UBE2G1: variants seen among roughly 807,000 people sequenced by gnomAD.
UBE2G1 encodes ubiquitin conjugating enzyme E2 G1, also known as ubiquitin-conjugating enzyme E2 G1.
A neutral mutation model predicts 22.7 loss-of-function variants in UBE2G1; 5 were observed. That is an observed-to-expected ratio of 0.22 (90% confidence interval 0.12 to 0.46). UBE2G1 has a LOEUF of 0.46. Ranked by LOEUF, UBE2G1 falls within the 20% of genes least tolerant of loss-of-function variation. The pLI is 0.99. For missense variants in UBE2G1, 88 were observed against 203.9 expected (o/e 0.43, Z 3.46); for synonymous variants, 74 against 67.5 (o/e 1.10, Z -0.47).
chr17:4,335,096 T>C (rs1446068806), intron 1 of UBE2G1: 1 of 151,318 alleles, frequency 6.6e-6, no homozygotes, highest in East Asian at 1.9e-4. Flanking sequence ...AGACAGGAAA[T>C]GAAGATAAAC....
At chr17:4,301,962 C>A in intron 2 of UBE2G1, 1 of 483,476 alleles carries the variant, frequency 2.1e-6, no homozygotes, top group South Asian at 1.6e-5. Context: ...TGTATTCTTT[C>A]ACTAATCTGT....
intron 1 of UBE2G1, among the ~76,000 whole-genome samples, chr17:4,317,623 C>T (rs1969390810): frequency 6.6e-6 from 1 of 152,186 alleles, no homozygotes; most frequent in African/African-American, 2.4e-5. Context: ...GAGATGATCC[C>T]TTAAAAAGAA....
At chr17:4,349,867 C>T (rs1969824291) in intron 1 of UBE2G1, among the ~76,000 whole-genome samples, 1 of 151,428 alleles carries the variant, frequency 6.6e-6, no homozygotes, top group Non-Finnish European at 1.5e-5. Context: ...TTACATTTAA[C>T]CTCAAATTAA....
chr17:4,319,759 G>A (rs1217811393), intron 1 of UBE2G1, among the ~76,000 whole-genome samples: 1 of 151,776 alleles, frequency 6.6e-6, no homozygotes, highest in Non-Finnish European at 1.5e-5. Context: ...GCCCAAACAG[G>A]AAGTCCAAAT....
intron 1 of UBE2G1, among the ~76,000 whole-genome samples, chr17:4,356,495 CAATA>C (rs1198658493): frequency 6.6e-6 from 1 of 152,208 alleles, no homozygotes; most frequent in Non-Finnish European, 1.5e-5. Flanking sequence ...TATAAGGGCT[CAATA>C]AATAAACTTT....
At chr17:4,338,169 C>CAAA (rs768232182) in intron 1 of UBE2G1, among the ~76,000 whole-genome samples, 1 of 87,164 alleles carries the variant, frequency 1.1e-5, no homozygotes, top group East Asian at 3.8e-4. Flanking sequence ...GACTCCATCT[C>CAAA]AAAAAAAAAA....
intron 1 of UBE2G1, among the ~76,000 whole-genome samples, chr17:4,337,333 AG>A (rs140724609): frequency 0.34 from 46,777 of 136,874 alleles, 9,162 homozygotes; most frequent in African/African-American, 0.51. Flanking sequence ...AAAAAAAAAA[AG>A]AAAAGAAAAG....
intron 3 of UBE2G1, among the ~76,000 whole-genome samples, chr17:4,290,414 A>G (rs11869527): frequency 0.037 from 5,557 of 152,246 alleles, 375 homozygotes; most frequent in African/African-American, 0.13. Context: ...TGTATCTACC[A>G]ATCAATATCA....
chr17:4,320,293 G>GGTTC (rs1224015472), intron 1 of UBE2G1, among the ~76,000 whole-genome samples: 3 of 151,954 alleles, frequency 2.0e-5, no homozygotes, highest in African/African-American at 7.3e-5. Context: ...GAAGTCAGTG[G>GGTTC]GTTCTATCAA....
chr17:4,363,722 A>ACGGGCGGATCACGAGGT (rs1410513034), intron 1 of UBE2G1, among the ~76,000 whole-genome samples: 4 of 150,426 alleles, frequency 2.7e-5, no homozygotes, highest in Non-Finnish European at 4.4e-5. Flanking sequence ...GGAGGCTGAG[A>ACGGGCGGATCACGAGGT]CGGGCGGATC....
chr17:4,280,227 A>G (rs540114790), intron 5 of UBE2G1, among the ~76,000 whole-genome samples: 2 of 148,930 alleles, frequency 1.3e-5, no homozygotes, highest in East Asian at 2.1e-4. Context: ...GGTAGAGACG[A>G]GGTTTCACCA....
At chr17:4,366,115 G>A (rs1431490043) in intron 1 of UBE2G1, among the ~76,000 whole-genome samples, 156 bp downstream of exon 1, 1 of 152,170 alleles carries the variant, frequency 6.6e-6, no homozygotes, top group Non-Finnish European at 1.5e-5. Context: ...GGCGAGAACG[G>A]CTGGGCCCGG....
At chr17:4,363,546 G>C (rs1969992525) in intron 1 of UBE2G1, among the ~76,000 whole-genome samples, 1 of 152,140 alleles carries the variant, frequency 6.6e-6, no homozygotes, top group Non-Finnish European at 1.5e-5. Flanking sequence ...TTCACAAACG[G>C]ATAGGAAATC....
At chr17:4,329,275 T>C (rs1446832106) in intron 1 of UBE2G1, among the ~76,000 whole-genome samples, 1 of 151,980 alleles carries the variant, frequency 6.6e-6, no homozygotes, top group Non-Finnish European at 1.5e-5. Context: ...GGAGTGTGCC[T>C]GTAGTCTCAG....
At chr17:4,332,616 G>C (rs541950089) in intron 1 of UBE2G1, among the ~76,000 whole-genome samples, 2 of 151,414 alleles carry the variant, frequency 1.3e-5, no homozygotes, top group South Asian at 4.2e-4. Context: ...CTCTGCCACC[G>C]CAGGGGCTTT....
chr17:4,361,354 C>T (rs950719679), intron 1 of UBE2G1, among the ~76,000 whole-genome samples: 8 of 151,874 alleles, frequency 5.3e-5, no homozygotes, highest in Non-Finnish European at 1.2e-4. Context: ...TGGTGAAACC[C>T]CATCTCTACT....
intron 1 of UBE2G1, among the ~76,000 whole-genome samples, chr17:4,348,881 A>T (rs909153477): frequency 2.8e-4 from 42 of 151,666 alleles, no homozygotes; most frequent in East Asian, 7.8e-4. Context: ...AAATAAAAAT[A>T]AAAATTAATT....
intron 2 of UBE2G1, among the ~76,000 whole-genome samples, chr17:4,299,659 A>G (rs1969150739): frequency 6.6e-6 from 1 of 152,212 alleles, no homozygotes; most frequent in Non-Finnish European, 1.5e-5. Context: ...CAACTAAAAG[A>G]GTAGCCCTAA....
chr17:4,352,355 A>G (rs1328782617), intron 1 of UBE2G1, among the ~76,000 whole-genome samples: 1 of 152,110 alleles, frequency 6.6e-6, no homozygotes, highest in African/African-American at 2.4e-5. Context: ...TTAGTCTCCC[A>G]AAGTGCTGGG....
Sources: gnomAD v4.1 joint callset for allele counts (sites outside exome capture counted in the v4.1 genomes callset) on GRCh38, gnomAD v4.1.1 for gene constraint, MANE v1.5 for transcripts, NCBI Gene and HGNC (gene_info 2026-07-23, HGNC 2026-07-21) for gene names.